The following VPS45 variants were observed in gnomAD, a reference collection of about 807,000 sequenced individuals.
VPS45 encodes the protein vacuolar protein sorting-associated protein 45.
In VPS45, 35 loss-of-function variants were observed where a neutral mutation model predicts 75.9. The ratio of observed to expected loss-of-function variants is 0.46; its 90% confidence interval spans 0.35 to 0.61. The LOEUF is 0.61. Among genes scored for constraint, VPS45 ranks in the 20% least tolerant of loss-of-function variants. The probability of loss-of-function intolerance (pLI) is 0.00; values close to 1 mark genes in which losing one functional copy is unlikely to be tolerated. For synonymous variants in VPS45, 220 were observed against 238.2 expected, an observed-to-expected ratio of 0.92 and a Z score of 0.70; for missense variants, 559 against 685.9, an observed-to-expected ratio of 0.81 and a Z score of 2.07.
At chr1:150,080,384 TCCAC>T (rs1243592405) in intron 7 of VPS45, among the ~76,000 whole-genome samples, 1 of 152,108 alleles carries the variant, frequency 6.6e-6, no homozygotes, top group Non-Finnish European at 1.5e-5. Flanking sequence ...CCTTAAGTGA[TCCAC>T]CCACCTCAGC....
intron 13 of VPS45, among the ~76,000 whole-genome samples, chr1:150,097,327 G>A (rs1221717125): frequency 9.9e-5 from 15 of 150,874 alleles, no homozygotes; most frequent in African/African-American, 1.7e-4. Flanking sequence ...CTCGTGATCC[G>A]CCCGCCTCAC....
At chr1:150,111,894 A>G (rs979340150) in intron 14 of VPS45, among the ~76,000 whole-genome samples, 3 of 152,122 alleles carry the variant, frequency 2.0e-5, no homozygotes, top group Non-Finnish European at 4.4e-5. Context: ...CTCATCGTAC[A>G]TTCTGTGTTT....
chr1:150,081,388 A>G lies in VPS45; in HGVS notation c.734A>G (p.Asn245Ser), dbSNP rs1320022085. 1 of 1,608,466 alleles carries G rather than the reference A, an allele frequency of 6.2e-7. No individual in the cohort carries two copies. The highest frequency in any genetic ancestry group is 1.3e-5 in the African/African-American group (1 of 74,408). The part of the protein sequence containing the change: ...MVHELLGINN[N>S]RIDLSRVPGI... ...CACGAACTACTAGGCATAAACAACA[A>G]TCGGATTGATCTTTCCAGAGTGCCG... Residue 245 changes from asparagine to serine, a missense_variant, in exon 8 of 15, where the codon AAT (asparagine) becomes AGT (serine). Coordinates refer to ENST00000644510, the MANE Select transcript of VPS45 (RefSeq NM_007259.5).
chr1:150,072,836 T>G (rs1215560320), intron 3 of VPS45, among the ~76,000 whole-genome samples: 1 of 151,808 alleles, frequency 6.6e-6, no homozygotes, highest in African/African-American at 2.4e-5. Context: ...AAAAAAAAAG[T>G]ATATACTTAT....
chr1:150,129,783 C>T (rs1658723209), intron 14 of VPS45, among the ~76,000 whole-genome samples: 1 of 151,680 alleles, frequency 6.6e-6, no homozygotes, highest in Admixed American at 6.6e-5. Flanking sequence ...AAAGTCCTGA[C>T]CTCAAGTGAT....
intron 14 of VPS45, among the ~76,000 whole-genome samples, chr1:150,115,573 T>C (rs2101618962): frequency 6.6e-6 from 1 of 152,340 alleles, no homozygotes; most frequent in Middle Eastern, 3.4e-3. Context: ...TTATGAGTTA[T>C]CTTAAGAAGG....
chr1:150,134,534 A>G (rs999356200), intron 14 of VPS45, among the ~76,000 whole-genome samples: 16 of 152,182 alleles, frequency 1.1e-4, no homozygotes, highest in African/African-American at 3.9e-4. Context: ...ACAGCAGGTA[A>G]GTGCTAACCT....
At chr1:150,105,339 C>T (rs753200330) in intron 13 of VPS45, among the ~76,000 whole-genome samples, 4 of 152,136 alleles carry the variant, frequency 2.6e-5, no homozygotes, top group Admixed American at 1.3e-4. Flanking sequence ...TATCTCTGTT[C>T]GCATTCAATA....
rs373601477 is a variant in VPS45 at position 150,092,111 on chromosome 1, A to G, written c.1263+16A>G. ...GTATCGAAAGGTAACCAGTTTCCAT[A>G]TTAGCCCACCAAACAGGAACCAACT... On this transcript the variant is annotated intron_variant, in intron 11 of 14. Transcript: ENST00000644510. The G allele has an allele frequency of 6.2e-6, 10 of 1,606,758 alleles. No individual in the cohort carries two copies. Among genetic ancestry groups the G allele is most frequent in the African/African-American group, 1.3e-5 (1 of 74,648 alleles).
chr1:150,136,652 GA>G (rs1467637374), intron 14 of VPS45, among the ~76,000 whole-genome samples: 6 of 151,856 alleles, frequency 4.0e-5, no homozygotes, highest in Non-Finnish European at 5.9e-5. Flanking sequence ...GAGTAACTAG[GA>G]AATGCCTCAC....
Position 150,144,711 on chromosome 1 carries a change from T to A in VPS45, c.1628T>A (p.Phe543Tyr). 1 of 1,611,128 alleles carries A rather than the reference T, an allele frequency of 6.2e-7. No homozygotes were observed. Among genetic ancestry groups the A allele is most frequent in the South Asian group, 1.1e-5 (1 of 91,002 alleles). Residue 543 changes from phenylalanine (F) to tyrosine (Y), a missense_variant and splice_region_variant, in exon 15 of 15, where the codon TTC becomes TAC. Transcript: ENST00000644510. ...AGTAACCTCAAACTACTTATCAGTT[T>A]CCTAGAGGAAGTTCTGGCTTCTGGA... ...GGTTVHNTKS[F>Y]LEEVLASGLH...
intron 14 of VPS45, among the ~76,000 whole-genome samples, chr1:150,137,840 G>A (rs1269995471): frequency 6.6e-6 from 1 of 150,848 alleles, no homozygotes; most frequent in African/African-American, 2.4e-5. Context: ...GCTTGAACCC[G>A]GGAGGTGGAG....
At chr1:150,124,448 G>C (rs1272923256) in intron 14 of VPS45, among the ~76,000 whole-genome samples, 3 of 150,548 alleles carry the variant, frequency 2.0e-5, no homozygotes, top group Admixed American at 1.3e-4. Flanking sequence ...GAGAGACCAA[G>C]ACTCCGTCTT....
At chr1:150,076,771 C>A in intron 4 of VPS45, 145 bp from the exon 5 acceptor site, 1 of 759,716 alleles carries the variant, frequency 1.3e-6, no homozygotes, top group Non-Finnish European at 2.2e-6. Flanking sequence ...CTGTTGTTAC[C>A]CAATTATTAA....
At chr1:150,136,827 A>T (rs1659128963) in intron 14 of VPS45, among the ~76,000 whole-genome samples, 1 of 151,220 alleles carries the variant, frequency 6.6e-6, no homozygotes, top group Admixed American at 6.6e-5. Context: ...GAAGTTCTTC[A>T]TAAGTAAAGT....
At chr1:150,113,487 C>A (rs1433220591) in intron 14 of VPS45, among the ~76,000 whole-genome samples, 1 of 152,186 alleles carries the variant, frequency 6.6e-6, no homozygotes, top group African/African-American at 2.4e-5. Context: ...CCCCCAGCAG[C>A]CTTTCTTATT....
intron 13 of VPS45, among the ~76,000 whole-genome samples, chr1:150,107,351 A>G (rs963791193): frequency 3.3e-5 from 5 of 152,312 alleles, no homozygotes; most frequent in African/African-American, 7.2e-5. Context: ...CCTAGTTACC[A>G]AAACCAGAAA....
At chr1:150,080,202 A>G (rs1175696751) in intron 7 of VPS45, among the ~76,000 whole-genome samples, 3 of 151,142 alleles carry the variant, frequency 2.0e-5, no homozygotes, top group Admixed American at 6.6e-5. Flanking sequence ...CTGGAGTGCA[A>G]TGGTGTGATC....
rs1447241232 is a variant in VPS45 at position 150,076,976 on chromosome 1, T to C, written c.430T>C (p.Cys144Arg). 2.5e-6 allele frequency: 4 copies of C among 1,614,062 alleles called. No individual in the cohort carries two copies. The highest frequency in any genetic ancestry group is 3.4e-6 in the Non-Finnish European group (4 of 1,180,022). ...TTTGTTTTCCCTCAATATTTTGGGT[T>C]GCTGCCAGGTATGGAAGGAAAGGTT... Reference protein sequence around the residue: ...PHLFSLNILGCCQGRNWDPAQ... With the variant: ...PHLFSLNILGRCQGRNWDPAQ... The change falls in exon 5 of 15, where the codon TGC becomes CGC. Residue 144 changes from cysteine (C) to arginine (R), a missense_variant. Coordinates refer to ENST00000644510, the MANE Select transcript of VPS45 (RefSeq NM_007259.5).
Sources: gnomAD v4.1 joint callset for allele counts (sites outside exome capture counted in the v4.1 genomes callset) on GRCh38, gnomAD v4.1.1 for gene constraint, MANE v1.5 for transcripts, NCBI Gene and HGNC (gene_info 2026-07-23, HGNC 2026-07-21) for gene names.